The following ATP7A variants were observed in gnomAD, a reference collection of about 807,000 sequenced individuals.
ATP7A encodes the protein ATPase copper transporting alpha, also known as copper-transporting ATPase 1.
Under a neutral mutation model 83.5 loss-of-function variants are expected in ATP7A, and 7 were observed. That is an observed-to-expected ratio of 0.08 (90% CI 0.05 to 0.16). The LOEUF (loss-of-function observed/expected upper bound fraction) is 0.16. ATP7A is among the 10% of genes least tolerant of loss of function. The probability of loss-of-function intolerance (pLI) is 1.00; values close to 1 mark genes in which losing one functional copy is unlikely to be tolerated. For missense variants in ATP7A, 940 were observed against 1,120.8 expected, an observed-to-expected ratio of 0.84 and a Z score of 2.30; for synonymous variants, 354 against 395.2, an observed-to-expected ratio of 0.90 and a Z score of 1.24.
Position 78,029,300 on chromosome X carries a change from C to T in ATP7A, c.2967C>T (p.Phe989=), listed in dbSNP as rs2077967350. 9 of 1,211,251 alleles carry T rather than the reference C, an allele frequency of 7.4e-6. No individual in the cohort carries two copies. In the African/African-American group the frequency reaches 1.0e-4, roughly 14 times the overall value. The change falls in exon 15 of 23, where the codon TTC becomes TTT. Residue 989 remains phenylalanine, a synonymous_variant. Coordinates refer to ENST00000341514, the MANE Select transcript of ATP7A (RefSeq NM_000052.7). The part of the protein sequence containing the change: ...SRTETIIRFA[F]QASITVLCIA... The stretch of plus-strand genomic sequence containing the variant: ...CAGAAACGATAATACGATTTGCTTT[C>T]CAAGCCTCTATCACAGTTCTGTGTA...
intron 4 of ATP7A, among the ~76,000 whole-genome samples, chrX:77,994,679 A>G (rs908239438): frequency 2.7e-5 from 3 of 110,817 alleles, no homozygotes; most frequent in Non-Finnish European, 5.7e-5. Context: ...GGCTGGGACT[A>G]TAGGCGTGTA....
chrX:78,033,460 T>C (rs781963426), intron 16 of ATP7A, 145 bp from the exon 17 acceptor site: 4 of 556,689 alleles, frequency 7.2e-6, no homozygotes, highest in African/African-American at 2.3e-5. Flanking sequence ...TATTCCTTTG[T>C]CCTTATCAAA....
intron 1 of ATP7A, among the ~76,000 whole-genome samples, chrX:77,911,275 T>A (rs1268432274): frequency 1.8e-5 from 2 of 112,509 alleles, no homozygotes; most frequent in Non-Finnish European, 3.7e-5. Context: ...TCTGGGAGCG[T>A]AAGGTAAACT....
At chrX:77,932,275 G>C (rs2077289588) in intron 1 of ATP7A, among the ~76,000 whole-genome samples, 1 of 109,744 alleles carries the variant, frequency 9.1e-6, no homozygotes, top group Non-Finnish European at 1.9e-5. Flanking sequence ...CGGGGCGGCG[G>C]GGCAGAGGTG....
chrX:77,999,059 C>T (rs1371172252), intron 5 of ATP7A, among the ~76,000 whole-genome samples: 5 of 106,533 alleles, frequency 4.7e-5, no homozygotes, highest in South Asian at 8.6e-4. Flanking sequence ...TGGAGTGGCG[C>T]GATCTCGGCT....
intron 1 of ATP7A, among the ~76,000 whole-genome samples, chrX:77,954,332 C>T (rs372169399): frequency 4.1e-3 from 451 of 110,690 alleles, no homozygotes; most frequent in Non-Finnish European, 7.1e-3. Context: ...TTAGTAGAGA[C>T]GGGATTTCAC....
chrX:78,017,970 G>A (rs782214970), intron 12 of ATP7A, among the ~76,000 whole-genome samples: 1,239 of 104,806 alleles, frequency 0.012, 8 homozygotes, highest in Non-Finnish European at 0.018. Context: ...TAGAGACGGG[G>A]TTTCACCATG....
intron 7 of ATP7A, 108 bp downstream of exon 7, chrX:78,009,371 C>T (rs782136719): frequency 1.2e-6 from 1 of 854,411 alleles, no homozygotes; most frequent in Middle Eastern, 2.7e-4. Context: ...AATCTAACTC[C>T]TTTGAACACT....
intron 14 of ATP7A, among the ~76,000 whole-genome samples, chrX:78,028,655 G>A (rs782333880): frequency 8.9e-6 from 1 of 112,387 alleles, no homozygotes; most frequent in Non-Finnish European, 1.9e-5. Context: ...AGCTTGGAAT[G>A]TGTTTCCTTC....
intron 6 of ATP7A, among the ~76,000 whole-genome samples, chrX:78,007,834 T>C (rs1557233909): frequency 8.9e-6 from 1 of 112,096 alleles, no homozygotes; most frequent in East Asian, 2.8e-4. Context: ...TTATGAGGTA[T>C]ATGAGACGTT....
chrX:78,029,544 A>C, intron 15 of ATP7A, 100 bp downstream of exon 15: 1 of 876,214 alleles, frequency 1.1e-6, no homozygotes, highest in South Asian at 2.1e-5. Flanking sequence ...TCTGTGGTCC[A>C]TGAGCTGAGC....
rs995360259 is a variant in ATP7A, at chrX:78,002,802, A to G, written c.1544-271A>G. 1.5e-4 allele frequency among the ~76,000 whole-genome samples: 7 copies of G among 46,815 alleles called. No individual in the cohort carries two copies. The East Asian group carries it at 2.7e-3, about 18-fold the overall frequency. 40.7% of individuals were successfully genotyped at this position (46,815 alleles called of 115,157 possible). A position where few individuals can be genotyped will look rare whatever the true frequency, so the allele number is the denominator to read the frequency against. The stretch of plus-strand genomic sequence containing the variant: ...CGTCAAGTTTATTATGTTCTTATAC[A>G]CACACACACACACACACACACACAC... On this transcript the variant is annotated intron_variant, in intron 5 of 22. Transcript: ENST00000341514.
rs1357275008 is a variant in ATP7A at position 77,931,741 on chromosome X, C to G, written c.-22+20906C>G. ...GCTGGGCAGAGGCACCCCTCACCTC[C>G]CGGACGGGGCGGCTGGCCGGGTGGG... On this transcript the variant is annotated intron_variant, in intron 1 of 22. Coordinates refer to ENST00000341514, the MANE Select transcript of ATP7A (RefSeq NM_000052.7). Among the ~76,000 whole-genome samples, 3 of 105,539 alleles carry G rather than the reference C, an allele frequency of 2.8e-5. No homozygotes were observed. The East Asian group carries it at 9.5e-4, about 34-fold the overall frequency. The allele number at this position is 105,539 out of a possible 115,157, so 91.6% of individuals were successfully genotyped here. A position where few individuals can be genotyped will look rare whatever the true frequency, so the allele number is the denominator to read the frequency against.
intron 1 of ATP7A, among the ~76,000 whole-genome samples, chrX:77,944,020 G>A (rs1557225914): frequency 1.8e-5 from 2 of 112,037 alleles, no homozygotes; most frequent in Non-Finnish European, 3.8e-5. Flanking sequence ...AAAAAAGGCC[G>A]TAGTGATTTA....
intron 2 of ATP7A, among the ~76,000 whole-genome samples, chrX:77,974,346 G>A (rs1294445214): frequency 9.0e-6 from 1 of 110,930 alleles, no homozygotes; most frequent in African/African-American, 3.3e-5. Flanking sequence ...GTTTCGCCGT[G>A]TTGGCCAGGG....
Position 77,989,622 on chromosome X carries a change from G to A in ATP7A, c.1000G>A (p.Ala334Thr), listed in dbSNP as rs368622356. 60 of 1,210,007 alleles carry A rather than the reference G, an allele frequency of 5.0e-5. 1 individual carries two copies. The Middle Eastern group carries it at 1.4e-3, about 28-fold the overall frequency. Residue 334 changes from alanine to threonine, a missense_variant, in exon 4 of 23, where the codon GCA becomes ACA. By Grantham distance (58) the Ala-to-Thr change is moderately conservative. This residue lies in a region of ATP7A where 350 missense variants were observed against 432.8 expected (regional missense o/e 0.81). Transcript: ENST00000341514. Reference sequence around the variant, plus strand: ...AGTCACTCCAGAATCCCTGAGAAAAGCAATAGAGGCTGTATCACCGGGGCT... The same window carrying A: ...AGTCACTCCAGAATCCCTGAGAAAAACAATAGAGGCTGTATCACCGGGGCT... ...SSVTPESLRK[A>T]IEAVSPGLYR...
intron 13 of ATP7A, 29 bp downstream of exon 13, chrX:78,020,427 A>G: frequency 8.3e-7 from 1 of 1,198,947 alleles, no homozygotes; most frequent in South Asian, 1.8e-5. Flanking sequence ...AGAAACACAA[A>G]CTATTTTCTT....
At chrX:78,015,636 A>G in intron 11 of ATP7A, 118 bp from the exon 12 acceptor site, 1 of 965,709 alleles carries the variant, frequency 1.0e-6, no homozygotes, top group Non-Finnish European at 1.5e-6. Flanking sequence ...TGTTGGTTCT[A>G]GCTTCCATTG....
chrX:78,045,398 T>C (rs2078076943), intron 21 of ATP7A, 72 bp from the exon 22 acceptor site: 6 of 857,372 alleles, frequency 7.0e-6, no homozygotes, highest in Non-Finnish European at 1.0e-5. Flanking sequence ...AAATGATTTG[T>C]ATGTATGTTA....
Sources: gnomAD v4.1 joint callset for allele counts (sites outside exome capture counted in the v4.1 genomes callset) on GRCh38, gnomAD v4.1.1 for gene constraint, gnomAD v4.1.1 regional missense constraint, MANE v1.5 for transcripts, NCBI Gene and HGNC (gene_info 2026-07-23, HGNC 2026-07-21) for gene names.